The following IL1RAPL2 variants were observed in gnomAD, a reference collection of about 807,000 sequenced individuals.
The protein encoded by IL1RAPL2 is interleukin 1 receptor accessory protein like 2, also known as X-linked interleukin-1 receptor accessory protein-like 2.
IL1RAPL2 carries 3 observed loss-of-function variants against 44.1 expected under a neutral mutation model. The observed-to-expected ratio is 0.07, with a 90% CI of 0.03 to 0.18. The LOEUF (loss-of-function observed/expected upper bound fraction) is 0.18. IL1RAPL2 is among the 10% of genes least tolerant of loss of function. The pLI is 1.00. For missense variants in IL1RAPL2, 391 were observed against 496.4 expected, an observed-to-expected ratio of 0.79 and a Z score of 2.02; for synonymous variants, 181 against 178.8, an observed-to-expected ratio of 1.01 and a Z score of -0.10.
intron 2 of IL1RAPL2, among the ~76,000 whole-genome samples, chrX:104,775,222 C>T (rs974148557): frequency 8.9e-6 from 1 of 112,451 alleles, no homozygotes; most frequent in Non-Finnish European, 1.9e-5. Context: ...TACTTGTTTA[C>T]TTCAGTTATC....
chrX:105,760,052 G>T (rs1174341486), intron 10 of IL1RAPL2, among the ~76,000 whole-genome samples: 1 of 111,441 alleles, frequency 9.0e-6, no homozygotes, highest in Non-Finnish European at 1.9e-5. Flanking sequence ...AATTGAACGT[G>T]TCCATTATCC....
chrX:105,767,119 A>T lies in IL1RAPL2; in HGVS notation c.1519A>T (p.Ile507Phe). 8.3e-7 allele frequency: 1 copy of T among 1,211,517 alleles called. No individual in the cohort carries two copies. Among genetic ancestry groups the T allele is most frequent in the Non-Finnish European group, 1.1e-6 (1 of 895,202 alleles). Residue 507 changes from isoleucine to phenylalanine, a missense_variant, in exon 11 of 11, where the codon ATT (isoleucine) becomes TTT (phenylalanine). Physicochemically the swap from Ile to Phe is conservative, Grantham distance 21 (BLOSUM62 0). This residue lies in a region of IL1RAPL2 where 232 missense variants were observed against 244.8 expected (regional missense o/e 0.95). Coordinates refer to ENST00000372582, the MANE Select transcript of IL1RAPL2 (RefSeq NM_017416.2). ...LVSGEIKVIL[I>F]ECTELKGKVN... Reference sequence around the variant, plus strand: ...CAGTGGAGAAATCAAAGTGATTTTGATTGAGTGTACAGAATTAAAAGGGAA... The same window carrying T: ...CAGTGGAGAAATCAAAGTGATTTTGTTTGAGTGTACAGAATTAAAAGGGAA...
chrX:104,834,962 G>A (rs1201851483), intron 2 of IL1RAPL2, among the ~76,000 whole-genome samples: 1 of 111,493 alleles, frequency 9.0e-6, no homozygotes, highest in African/African-American at 3.3e-5. Flanking sequence ...GTCTCATTCT[G>A]ACAAGGCTCT....
intron 2 of IL1RAPL2, among the ~76,000 whole-genome samples, chrX:104,876,716 CTTTTATTA>C (rs1395927567): frequency 9.0e-5 from 4 of 44,478 alleles, no homozygotes; most frequent in Non-Finnish European, 1.7e-4. Flanking sequence ...GTAACAATTT[CTTTTATTA>C]TTATTATTAT....
intron 1 of IL1RAPL2, among the ~76,000 whole-genome samples, chrX:104,616,181 C>T (rs1405845241): frequency 1.8e-5 from 2 of 112,368 alleles, no homozygotes; most frequent in Admixed American, 9.4e-5. Context: ...TCCCTGTTCA[C>T]TCTGATGATA....
intron 5 of IL1RAPL2, among the ~76,000 whole-genome samples, chrX:105,391,341 A>G (rs1412190065): frequency 9.0e-6 from 1 of 110,969 alleles, no homozygotes; most frequent in Non-Finnish European, 1.9e-5. Flanking sequence ...GATAAAGATG[A>G]ACAGACACTT....
intron 2 of IL1RAPL2, among the ~76,000 whole-genome samples, chrX:105,154,393 G>A (rs941872061): frequency 7.2e-5 from 8 of 111,615 alleles, no homozygotes; most frequent in Non-Finnish European, 1.5e-4. Flanking sequence ...GCCACCATAT[G>A]TTATAGTAGA....
chrX:104,923,310 A>T (rs956545213), intron 2 of IL1RAPL2, among the ~76,000 whole-genome samples: 5 of 111,866 alleles, frequency 4.5e-5, no homozygotes, highest in Non-Finnish European at 9.4e-5. Context: ...TTCATAGAAC[A>T]CCTGACAGAC....
chrX:104,745,040 GA>G (rs59491811), intron 2 of IL1RAPL2, among the ~76,000 whole-genome samples: 38,499 of 101,866 alleles, frequency 0.38, 5,892 homozygotes, highest in East Asian at 0.46. Flanking sequence ...GTGACAAATA[GA>G]AAAAAAAAAG....
chrX:105,727,090 A>G (rs1424900936), intron 7 of IL1RAPL2, among the ~76,000 whole-genome samples: 4 of 111,369 alleles, frequency 3.6e-5, no homozygotes, highest in Non-Finnish European at 3.8e-5. Context: ...TCATTCCTGG[A>G]CAATGATTAC....
chrX:105,050,348 AT>A (rs368287261), intron 2 of IL1RAPL2, among the ~76,000 whole-genome samples: 38 of 111,874 alleles, frequency 3.4e-4, no homozygotes, highest in African/African-American at 1.0e-3. Context: ...ATGATGCTAC[AT>A]TTTTTTATGG....
At chrX:104,933,268 T>C (rs1022229650) in intron 2 of IL1RAPL2, among the ~76,000 whole-genome samples, 8 of 110,580 alleles carry the variant, frequency 7.2e-5, no homozygotes, top group African/African-American at 1.6e-4. Flanking sequence ...TAAAATATAA[T>C]AAGAAAAAGA....
At chrX:105,249,926 C>T (rs1179523064) in intron 4 of IL1RAPL2, among the ~76,000 whole-genome samples, 2 of 111,730 alleles carry the variant, frequency 1.8e-5, no homozygotes, top group African/African-American at 6.5e-5. Flanking sequence ...TCTTTATTTA[C>T]AGTTGCCAAT....
At chrX:105,050,864 C>T (rs768958387) in intron 2 of IL1RAPL2, among the ~76,000 whole-genome samples, 1 of 112,575 alleles carries the variant, frequency 8.9e-6, no homozygotes, top group Admixed American at 9.3e-5. Flanking sequence ...ATTGTTCAGA[C>T]ATCTCTGCAG....
At chrX:104,761,947 T>G (rs754786586) in intron 2 of IL1RAPL2, among the ~76,000 whole-genome samples, 1 of 81,836 alleles carries the variant, frequency 1.2e-5, no homozygotes, top group African/African-American at 7.0e-5. Flanking sequence ...TTCTTCTTCT[T>G]CTTCTTCTTC....
intron 5 of IL1RAPL2, among the ~76,000 whole-genome samples, chrX:105,307,045 C>T (rs967230086): frequency 2.1e-4 from 23 of 109,477 alleles, no homozygotes; most frequent in Admixed American, 3.0e-4. Context: ...AGGGTGAGCG[C>T]GAGTGTGAGT....
intron 2 of IL1RAPL2, among the ~76,000 whole-genome samples, chrX:105,034,836 A>T (rs1441039147): frequency 8.0e-5 from 9 of 112,365 alleles, no homozygotes. Context: ...CCCTGCCCCC[A>T]GTGGTGGAGC....
intron 5 of IL1RAPL2, among the ~76,000 whole-genome samples, chrX:105,454,971 A>T (rs1317305821): frequency 9.0e-6 from 1 of 111,032 alleles, no homozygotes; most frequent in Non-Finnish European, 1.9e-5. Flanking sequence ...CAGATGAATA[A>T]ATCACAACAA....
At chrX:105,057,872 G>C (rs1161409260) in intron 2 of IL1RAPL2, among the ~76,000 whole-genome samples, 1 of 106,655 alleles carries the variant, frequency 9.4e-6, no homozygotes, top group East Asian at 2.9e-4. Flanking sequence ...ACCTCCACCT[G>C]CTGGGTTCAA....
Sources: allele counts gnomAD v4.1 joint callset (sites outside exome capture counted in the v4.1 genomes callset), GRCh38; gene constraint gnomAD v4.1.1; regional missense constraint gnomAD v4.1.1; transcripts MANE v1.5; gene names NCBI Gene and HGNC (gene_info 2026-07-23, HGNC 2026-07-21).